DNM3: variants seen among roughly 807,000 people sequenced by gnomAD.
DNM3 encodes dynamin-3.
In DNM3, 47 loss-of-function variants were observed where a neutral mutation model predicts 101.6. The ratio of observed to expected loss-of-function variants is 0.46; its 90% confidence interval spans 0.37 to 0.59. The LOEUF (loss-of-function observed/expected upper bound fraction) is 0.59. Among genes scored for constraint, DNM3 ranks in the 20% least tolerant of loss-of-function variants. The pLI, the probability that DNM3 is intolerant of heterozygous loss-of-function variation, is 0.00. For synonymous variants in DNM3, 385 were observed against 387.9 expected, an observed-to-expected ratio of 0.99 and a Z score of 0.09; for missense variants, 849 against 1,085.7, an observed-to-expected ratio of 0.78 and a Z score of 3.06.
At chr1:171,952,336 T>G (rs867812167) in intron 2 of DNM3, among the ~76,000 whole-genome samples, 18 of 152,182 alleles carry the variant, frequency 1.2e-4, no homozygotes, top group African/African-American at 4.1e-4. Context: ...ACATTTTGAT[T>G]TTCTTTAGGA....
chr1:172,106,844 A>ATTTTTTTTTTTTT (rs1289662689), intron 13 of DNM3, among the ~76,000 whole-genome samples: 9 of 51,040 alleles, frequency 1.8e-4, no homozygotes, highest in African/African-American at 5.5e-4. Context: ...AGGTAACATT[A>ATTTTTTTTTTTTT]TTCTTTTTTT....
At chr1:171,864,487 TA>T (rs1447391755) in intron 1 of DNM3, 1 of 152,260 alleles carries the variant, frequency 6.6e-6, no homozygotes, top group African/African-American at 2.4e-5. Context: ...GAGCTCATGA[TA>T]AGGCTTGCCA....
chr1:172,364,526 CA>C (rs1473888619), intron 17 of DNM3, among the ~76,000 whole-genome samples: 7 of 150,276 alleles, frequency 4.7e-5, no homozygotes, highest in South Asian at 2.1e-4. Context: ...ATCTATAGGA[CA>C]AAAAAAAATT....
chr1:172,199,754 G>C (rs961921759), intron 14 of DNM3, among the ~76,000 whole-genome samples: 5 of 151,908 alleles, frequency 3.3e-5, no homozygotes, highest in African/African-American at 1.2e-4. Context: ...CATTTGTTTG[G>C]TAGATTTTCC....
chr1:172,048,646 G>A lies in DNM3; in HGVS notation c.1231G>A (p.Ala411Thr), dbSNP rs2049986727. 1 of 1,613,516 alleles carries A rather than the reference G, an allele frequency of 6.2e-7. No homozygotes were observed. Reference protein sequence around the residue: ...GLFTPDMAFEAIVKKQIVKLK... With the variant: ...GLFTPDMAFETIVKKQIVKLK... ...GTTTACTCCAGACATGGCATTTGAA[G>A]CGATAGTCAAGAAACAGATTGTAAA... The change falls in exon 10 of 21, where the codon GCG becomes ACG. Residue 411 changes from alanine to threonine, a missense_variant. Ala to Thr is a moderately conservative substitution (Grantham distance 58, BLOSUM62 0). Around this residue, in one of 5 missense-constraint regions of DNM3, gnomAD observed 193 missense variants for 238.4 expected, o/e 0.81. Coordinates refer to ENST00000627582, the MANE Select transcript of DNM3 (RefSeq NM_015569.5).
intron 14 of DNM3, among the ~76,000 whole-genome samples, chr1:172,185,976 A>G (rs141335509): frequency 1.1e-4 from 16 of 152,262 alleles, no homozygotes; most frequent in Non-Finnish European, 1.9e-4. Context: ...ACATTGTTTT[A>G]TAATTGGTCT....
chr1:171,970,650 G>A (rs1027117776), intron 2 of DNM3, among the ~76,000 whole-genome samples: 2 of 104,060 alleles, frequency 1.9e-5, no homozygotes, highest in African/African-American at 2.7e-5. Context: ...TGTAAGCGCT[G>A]TATTCTAAAA....
chr1:172,214,115 C>T (rs534094111), intron 14 of DNM3, among the ~76,000 whole-genome samples: 9 of 152,212 alleles, frequency 5.9e-5, no homozygotes, highest in African/African-American at 1.9e-4. Context: ...TTCTAAATTA[C>T]AGCTGACAGA....
intron 14 of DNM3, among the ~76,000 whole-genome samples, chr1:172,243,051 T>A (rs1406878559): frequency 6.6e-6 from 1 of 152,126 alleles, no homozygotes; most frequent in Non-Finnish European, 1.5e-5. Context: ...TATAATATCA[T>A]AGTAGGTTTG....
chr1:172,096,486 A>G (rs1478510300), intron 13 of DNM3, among the ~76,000 whole-genome samples: 1 of 152,172 alleles, frequency 6.6e-6, no homozygotes, highest in Admixed American at 6.5e-5. Flanking sequence ...AATTCAAGAG[A>G]TATTAAGTAG....
At chr1:172,110,130 T>TC (rs1419451730) in intron 13 of DNM3, among the ~76,000 whole-genome samples, 1 of 152,206 alleles carries the variant, frequency 6.6e-6, no homozygotes, top group Admixed American at 6.5e-5. Flanking sequence ...TTCTCCCTGT[T>TC]CCTTCTCTTG....
At chr1:172,351,894 C>A (rs1371915624) in intron 17 of DNM3, among the ~76,000 whole-genome samples, 1 of 152,172 alleles carries the variant, frequency 6.6e-6, no homozygotes, top group African/African-American at 2.4e-5. Flanking sequence ...CACCTCCTGG[C>A]AGCTGAGGAT....
At chr1:172,413,296 G>A (rs1396506633), downstream of DNM3, among the ~76,000 whole-genome samples, 1 of 152,042 alleles carries the variant, frequency 6.6e-6, no homozygotes, top group African/African-American at 2.4e-5. Context: ...GCACTATCTC[G>A]GCTCACTGCA....
chr1:172,359,627 TA>T (rs11463354), intron 17 of DNM3, among the ~76,000 whole-genome samples: 330 of 142,066 alleles, frequency 2.3e-3, no homozygotes, highest in East Asian at 0.011. Flanking sequence ...TTCAGAAAAA[TA>T]AAAAAAAAAA....
chr1:172,250,348 T>A (rs569109861), intron 14 of DNM3, among the ~76,000 whole-genome samples: 1 of 152,250 alleles, frequency 6.6e-6, no homozygotes, highest in Admixed American at 6.6e-5. Flanking sequence ...AAACTTCTTA[T>A]GGAGGAGAAA....
At chr1:172,368,091 C>T (rs182744935) in intron 17 of DNM3, among the ~76,000 whole-genome samples, 49 of 151,964 alleles carry the variant, frequency 3.2e-4, no homozygotes, top group Non-Finnish European at 4.4e-5. Flanking sequence ...AACAAAGATA[C>T]ATTGGATTCA....
Position 171,921,785 on chromosome 1 carries a change from C to G in DNM3, c.199C>G (p.Arg67Gly). The G allele has an allele frequency of 6.2e-7, 1 of 1,602,394 alleles. No individual in the cohort carries two copies. Among genetic ancestry groups the G allele is most frequent in the Non-Finnish European group, 8.5e-7 (1 of 1,173,776 alleles). The change falls in exon 2 of 21, where the codon CGA becomes GGA. Residue 67 changes from arginine to glycine, a missense_variant. Arg to Gly is a moderately radical substitution (Grantham distance 125). Coordinates refer to ENST00000627582, the MANE Select transcript of DNM3 (RefSeq NM_015569.5). Reference protein sequence around the residue: ...LPRGSGIVTRRPLVLQLVTSK... With the variant: ...LPRGSGIVTRGPLVLQLVTSK... The stretch of plus-strand genomic sequence containing the variant: ...TCGAGGGTCGGGCATTGTAACAAGA[C>G]GACCTCTTGTGCTGCAGCTTGTTAC...
intron 14 of DNM3, among the ~76,000 whole-genome samples, chr1:172,232,956 C>A (rs1457928135): frequency 2.0e-5 from 3 of 152,072 alleles, no homozygotes; most frequent in African/African-American, 7.3e-5. Context: ...AAAATTGACA[C>A]CCTAACATCA....
intron 2 of DNM3, among the ~76,000 whole-genome samples, chr1:171,969,196 AGAAAAGCATAAT>A (rs1425018551): frequency 3.3e-5 from 5 of 152,170 alleles, no homozygotes; most frequent in Non-Finnish European, 5.9e-5. Context: ...GGTTAACAAG[AGAAAAGCATAAT>A]GATTTATTAA....
Sources: gnomAD v4.1 joint callset for allele counts (sites outside exome capture counted in the v4.1 genomes callset) on GRCh38, gnomAD v4.1.1 for gene constraint, gnomAD v4.1.1 regional missense constraint, MANE v1.5 for transcripts, NCBI Gene and HGNC (gene_info 2026-07-23, HGNC 2026-07-21) for gene names.